CRPPA: variants seen among roughly 807,000 people sequenced by gnomAD.
The protein encoded by CRPPA is D-ribitol-5-phosphate cytidylyltransferase.
Under a neutral mutation model 52.0 loss-of-function variants are expected in CRPPA, and 43 were observed. The observed-to-expected ratio is 0.83, with a 90% CI of 0.65 to 1.07. CRPPA has a LOEUF of 1.07. CRPPA is among the 50% of genes least tolerant of loss of function. CRPPA has a pLI of 0.00. For missense variants in CRPPA, 629 were observed against 551.7 expected (o/e 1.14, Z -1.40); for synonymous variants, 250 against 203.5 (o/e 1.23, Z -1.94).
intron 2 of CRPPA, among the ~76,000 whole-genome samples, chr7:16,385,617 CA>C (rs1554351657): frequency 3.9e-4 from 60 of 152,250 alleles, no homozygotes; most frequent in Non-Finnish European, 2.9e-5. Flanking sequence ...AAAGTAGCAA[CA>C]AATGTTCAGC....
chr7:16,198,331 A>C (rs1781780826), intron 9 of CRPPA, among the ~76,000 whole-genome samples: 1 of 46,272 alleles, frequency 2.2e-5, no homozygotes, highest in Non-Finnish European at 3.9e-5. Context: ...TGCGGGCAGC[A>C]ATACTGCTTT....
chr7:16,222,177 T>A (rs181853263), intron 8 of CRPPA, among the ~76,000 whole-genome samples: 342 of 151,974 alleles, frequency 2.3e-3, no homozygotes, highest in Non-Finnish European at 2.9e-3. Context: ...ATCATCATTC[T>A]CAGTAAACTG....
intron 9 of CRPPA, among the ~76,000 whole-genome samples, chr7:16,136,033 G>A (rs1782756365): frequency 6.6e-6 from 1 of 152,054 alleles, no homozygotes; most frequent in Non-Finnish European, 1.5e-5. Context: ...CTTCTATTCT[G>A]TCTCCCAAAT....
chr7:16,394,329 C>G (rs1327500517), intron 2 of CRPPA, among the ~76,000 whole-genome samples: 1 of 152,034 alleles, frequency 6.6e-6, no homozygotes, highest in South Asian at 2.1e-4. Context: ...TACATTTCCC[C>G]AAATACACTG....
chr7:16,140,645 C>T (rs539697959), intron 9 of CRPPA, among the ~76,000 whole-genome samples: 6 of 152,276 alleles, frequency 3.9e-5, no homozygotes, highest in Admixed American at 1.3e-4. Context: ...TTATCTCAAT[C>T]TTGTATAGAA....
intron 9 of CRPPA, among the ~76,000 whole-genome samples, chr7:16,171,292 C>T (rs868086251): frequency 1.3e-5 from 2 of 152,104 alleles, no homozygotes; most frequent in East Asian, 1.9e-4. Flanking sequence ...AAAGCTAATT[C>T]GTATTAAAAT....
chr7:16,156,903 T>C (rs976284668), intron 9 of CRPPA, among the ~76,000 whole-genome samples: 10 of 152,134 alleles, frequency 6.6e-5, no homozygotes, highest in African/African-American at 2.4e-4. Flanking sequence ...CCCAGGAAAT[T>C]TTTGATTCAA....
intron 9 of CRPPA, among the ~76,000 whole-genome samples, chr7:16,189,283 A>G (rs559336054): frequency 1.3e-5 from 2 of 152,298 alleles, no homozygotes; most frequent in East Asian, 3.9e-4. Context: ...CAACTCTAGC[A>G]GTCTGAGGCA....
At chr7:16,159,621 G>C (rs1017106279) in intron 9 of CRPPA, among the ~76,000 whole-genome samples, 1 of 152,174 alleles carries the variant, frequency 6.6e-6, no homozygotes, top group African/African-American at 2.4e-5. Flanking sequence ...ATGGGCATTT[G>C]GGTTGGTTCC....
intron 5 of CRPPA, among the ~76,000 whole-genome samples, chr7:16,290,388 A>T (rs1015058421): frequency 3.9e-5 from 6 of 152,120 alleles, no homozygotes; most frequent in Non-Finnish European, 8.8e-5. Flanking sequence ...CATCATACTA[A>T]CCTGACTTCA....
At chr7:16,364,801 G>A (rs573354241) in intron 3 of CRPPA, among the ~76,000 whole-genome samples, 1 of 152,106 alleles carries the variant, frequency 6.6e-6, no homozygotes, top group Admixed American at 6.5e-5. Context: ...GTCATGGCTT[G>A]ATTTTTATTA....
At chr7:16,310,207 AACAG>A (rs1346120660) in intron 3 of CRPPA, among the ~76,000 whole-genome samples, 2 of 152,130 alleles carry the variant, frequency 1.3e-5, no homozygotes, top group African/African-American at 2.4e-5. Context: ...CACACACGCA[AACAG>A]ACAGACACTG....
In CRPPA at chr7:16,308,547, T is replaced by C. The variant is rs372514498; in HGVS notation, c.765A>G (p.Val255=). 3 of 1,607,066 alleles carry C rather than the reference T, an allele frequency of 1.9e-6. No individual in the cohort carries two copies. The highest frequency in any genetic ancestry group is 1.3e-5 in the African/African-American group (1 of 74,930). The change falls in exon 4 of 10, where the codon GTA becomes GTG. Residue 255 remains valine, a synonymous_variant. Transcript: ENST00000407010. ...CCTTCCAGAGGTCAGGTGATCCTTC[T>C]ACAAGTTTGGCTTTAGTGCAACAGT... ...LKYCCTKAKL[V]EGSPDLWKVT...
intron 9 of CRPPA, among the ~76,000 whole-genome samples, chr7:16,159,639 T>G (rs1783261248): frequency 6.6e-6 from 1 of 152,230 alleles, no homozygotes; most frequent in Non-Finnish European, 1.5e-5. Context: ...TCCAAGTCTT[T>G]GCTATTGTGA....
intron 8 of CRPPA, among the ~76,000 whole-genome samples, chr7:16,233,364 T>C (rs771882078): frequency 6.6e-6 from 1 of 152,106 alleles, no homozygotes; most frequent in Admixed American, 6.6e-5. Context: ...AGAAAAATCT[T>C]AGGCAAAGAA....
At chr7:16,146,011 G>C (rs1782967486) in intron 9 of CRPPA, among the ~76,000 whole-genome samples, 1 of 152,030 alleles carries the variant, frequency 6.6e-6, no homozygotes. Context: ...TCTTCACCCA[G>C]TCACATTACC....
At chr7:16,313,190 C>G (rs1785070187) in intron 3 of CRPPA, among the ~76,000 whole-genome samples, 1 of 151,924 alleles carries the variant, frequency 6.6e-6, no homozygotes, top group African/African-American at 2.4e-5. Flanking sequence ...AGTGAACCCA[C>G]CTAAGTCTAG....
intron 9 of CRPPA, among the ~76,000 whole-genome samples, chr7:16,098,763 C>T (rs769166216): frequency 6.6e-6 from 1 of 152,136 alleles, no homozygotes; most frequent in South Asian, 2.1e-4. Flanking sequence ...AAAAACCTAA[C>T]GGGGGCACAC....
intron 5 of CRPPA, among the ~76,000 whole-genome samples, chr7:16,296,803 TACA>T (rs1050136926): frequency 6.6e-6 from 1 of 152,210 alleles, no homozygotes; most frequent in African/African-American, 2.4e-5. Context: ...AATCTGTCAT[TACA>T]ACATTATATG....
Sources: allele counts gnomAD v4.1 joint callset (sites outside exome capture counted in the v4.1 genomes callset), GRCh38; gene constraint gnomAD v4.1.1; transcripts MANE v1.5; gene names NCBI Gene and HGNC (gene_info 2026-07-23, HGNC 2026-07-21).